Variants in STK31 observed in about 807,000 individuals in gnomAD.
The protein encoded by STK31 is serine/threonine-protein kinase 31.
A neutral mutation model predicts 129.7 loss-of-function variants in STK31; 89 were observed. The observed-to-expected ratio is 0.69, with a 90% confidence interval of 0.58 to 0.82. The LOEUF is 0.82. Among genes scored for constraint, STK31 ranks in the 40% least tolerant of loss-of-function variants. The pLI is 0.00. For missense variants in STK31, 1,187 were observed against 1,176.4 expected (o/e 1.01, Z -0.13); for synonymous variants, 448 against 395.3 (o/e 1.13, Z -1.58).
chr7:23,803,335 G>A (rs1264423149), intron 22 of STK31, among the ~76,000 whole-genome samples: 1 of 151,398 alleles, frequency 6.6e-6, no homozygotes, highest in Non-Finnish European at 1.5e-5. Context: ...AGGCCATGAA[G>A]GGATTACTGT....
At chr7:23,780,460 A>C (rs1790852359) in intron 15 of STK31, among the ~76,000 whole-genome samples, 1 of 152,214 alleles carries the variant, frequency 6.6e-6, no homozygotes, top group African/African-American at 2.4e-5. Flanking sequence ...TAAAAGGGAA[A>C]GGATGGATAC....
At chr7:23,726,952 A>T (rs936308805) in intron 4 of STK31, among the ~76,000 whole-genome samples, 91 of 148,266 alleles carry the variant, frequency 6.1e-4, no homozygotes, top group East Asian at 3.1e-3. Flanking sequence ...GCCTTAAAAA[A>T]TTTTTTTTTT....
At chr7:23,775,551 T>C (rs1377195404) in intron 15 of STK31, among the ~76,000 whole-genome samples, 1 of 152,162 alleles carries the variant, frequency 6.6e-6, no homozygotes, top group African/African-American at 2.4e-5. Flanking sequence ...TCACATACCT[T>C]GTTAGCTGTA....
intron 16 of STK31, among the ~76,000 whole-genome samples, chr7:23,782,471 CA>C (rs66962254): frequency 0.34 from 28,811 of 84,766 alleles, 2,019 homozygotes; most frequent in East Asian, 0.42. Flanking sequence ...GACCCTGTCT[CA>C]AAAAAAAAAA....
intron 10 of STK31, among the ~76,000 whole-genome samples, chr7:23,759,581 T>A (rs1054234260): frequency 6.6e-6 from 1 of 152,230 alleles, no homozygotes; most frequent in African/African-American, 2.4e-5. Flanking sequence ...TATTGCCTTA[T>A]AAGAAAGGTG....
chr7:23,790,278 A>G (rs1791541249), intron 21 of STK31, among the ~76,000 whole-genome samples: 1 of 152,138 alleles, frequency 6.6e-6, no homozygotes, highest in Non-Finnish European at 1.5e-5. Context: ...AATTAAAAAT[A>G]AATTTTAAAA....
In STK31 at chr7:23,771,112, G is replaced by A. The variant is rs543689354; in HGVS notation, c.1821G>A (p.Lys607=). Residue 607 remains lysine, a synonymous_variant, in exon 14 of 24, where the codon AAG becomes AAA. Transcript: ENST00000355870. ...TTGCCACAGTACAAGCTAAGTACAA[G>A]GACAGTATTGAGGTTTGATTGTGCT... ...RLIATVQAKY[K]DSIEFKKQLI... 185 of 1,606,706 alleles carry A rather than the reference G, an allele frequency of 1.2e-4. 1 individual carries two copies. The South Asian group carries it at 1.9e-3, about 16-fold the overall frequency.
At chr7:23,823,953 C>G (rs1793946342) in intron 23 of STK31, among the ~76,000 whole-genome samples, 1 of 152,106 alleles carries the variant, frequency 6.6e-6, no homozygotes, top group African/African-American at 2.4e-5. Flanking sequence ...TTCCATTGGT[C>G]TATGTCTCTG....
intron 12 of STK31, 31 bp from the exon 13 acceptor site, chr7:23,769,609 G>A: frequency 7.2e-7 from 1 of 1,392,802 alleles, no homozygotes; most frequent in Non-Finnish European, 1.0e-6. Flanking sequence ...AATTAAATGA[G>A]ATATTTCATG....
At chr7:23,719,416 A>T (rs1379148524) in intron 4 of STK31, among the ~76,000 whole-genome samples, 2 of 152,092 alleles carry the variant, frequency 1.3e-5, no homozygotes, top group Non-Finnish European at 2.9e-5. Context: ...ATCTAAACAG[A>T]AGCTCTAACC....
At position 23,710,237 on chromosome 7, in the gene STK31, G is replaced by A. The variant is rs769578923; in HGVS notation, c.-49G>A. 3.8e-6 allele frequency: 6 copies of A among 1,590,454 alleles called. No homozygotes were observed. The Admixed American group carries it at 1.0e-4, about 27-fold the overall frequency. On this transcript the variant is annotated 5_prime_UTR_variant, in exon 1 of 24. Coordinates refer to ENST00000355870, the MANE Select transcript of STK31 (RefSeq NM_031414.5). ...GGCCCTTGCGGTCGAAGCTCACGCGGTAAGCCGCTGCACGTGTGCTACGGC... is the reference window on the plus strand; with the variant it reads ...GGCCCTTGCGGTCGAAGCTCACGCGATAAGCCGCTGCACGTGTGCTACGGC...
At position 23,752,810 on chromosome 7, in the gene STK31, A is replaced by G; in HGVS notation, c.1111A>G (p.Met371Val). 2 of 1,610,782 alleles carry G rather than the reference A, an allele frequency of 1.2e-6. No individual in the cohort carries two copies. The highest frequency in any genetic ancestry group is 1.7e-6 in the Non-Finnish European group (2 of 1,177,498). ...CAGAATGAAAAATCTGGCAGCTAAG[A>G]TGGAAATACTGAAAGAAATGAGGTA... ...DTRMKNLAAK[M>V]EILKEMRHVD... The change falls in exon 9 of 24, where the codon ATG becomes GTG. Residue 371 changes from methionine (M) to valine (V), a missense_variant. By Grantham distance (21) the Met-to-Val change is conservative. Coordinates refer to ENST00000355870, the MANE Select transcript of STK31 (RefSeq NM_031414.5).
At chr7:23,787,191 A>G (rs917711496) in intron 20 of STK31, among the ~76,000 whole-genome samples, 5 of 152,200 alleles carry the variant, frequency 3.3e-5, no homozygotes, top group Admixed American at 2.6e-4. Flanking sequence ...CCAAAGCCCA[A>G]ACTTACAACT....
At chr7:23,801,537 T>G (rs1405279591) in intron 22 of STK31, among the ~76,000 whole-genome samples, 1 of 152,174 alleles carries the variant, frequency 6.6e-6, no homozygotes, top group Non-Finnish European at 1.5e-5. Flanking sequence ...GAAAAGGGTT[T>G]TAATTTTGAA....
In STK31 at chr7:23,772,172, T is replaced by A. The variant is rs1411680429; in HGVS notation, c.1859T>A (p.Leu620Ter). Residue 620 changes from leucine to a stop codon, truncating the protein, a stop_gained, in exon 15 of 24, where the codon TTA becomes TAA. Transcript: ENST00000355870. LOFTEE classifies it high-confidence loss of function. ...IEFKKQLIEYLNKSPSVDHLL... is the reference protein window; with the variant it reads ...IEFKKQLIEY ...TTTAAAAAGCAGCTTATTGAATATT[T>A]AAATAAGAGTCCCAGTGTGGATCAC... 6.3e-7 allele frequency: 1 copy of A among 1,587,570 alleles called. No homozygotes were observed. The highest frequency in any genetic ancestry group is 1.9e-5 in the Admixed American group (1 of 53,568).
At chr7:23,751,637 AACT>A (rs1334667955) in intron 8 of STK31, among the ~76,000 whole-genome samples, 1 of 152,232 alleles carries the variant, frequency 6.6e-6, no homozygotes, top group Non-Finnish European at 1.5e-5. Context: ...TTATTCAATC[AACT>A]ACTGAGAGAG....
chr7:23,719,940 A>T (rs1284132413), intron 4 of STK31, among the ~76,000 whole-genome samples: 1 of 152,062 alleles, frequency 6.6e-6, no homozygotes, highest in Non-Finnish European at 1.5e-5. Context: ...ATACTCTCAA[A>T]TTTTTTCCCT....
chr7:23,769,784 C>A (rs1790073581), intron 13 of STK31, 28 bp downstream of exon 13: 13 of 1,433,156 alleles, frequency 9.1e-6, no homozygotes, highest in Non-Finnish European at 1.1e-5. Flanking sequence ...TTATTATTGC[C>A]TCCTTTGAAG....
At chr7:23,735,165 T>C (rs1787645662) in intron 6 of STK31, among the ~76,000 whole-genome samples, 2 of 152,152 alleles carry the variant, frequency 1.3e-5, no homozygotes, top group Admixed American at 1.3e-4. Context: ...ATCGAGTACC[T>C]TTTCTAGATA....
Sources: allele counts gnomAD v4.1 joint callset (sites outside exome capture counted in the v4.1 genomes callset), GRCh38; gene constraint gnomAD v4.1.1; transcripts MANE v1.5; gene names NCBI Gene and HGNC (gene_info 2026-07-23, HGNC 2026-07-21).